Variants in SVEP1 observed in about 807,000 individuals in gnomAD.
SVEP1 encodes sushi, von Willebrand factor type A, EGF and pentraxin domain containing 1, also known as sushi, von Willebrand factor type A, EGF and pentraxin domain-containing protein 1.
A neutral mutation model predicts 367.3 loss-of-function variants in SVEP1; 164 were observed. The observed-to-expected ratio is 0.45, with a 90% CI of 0.39 to 0.51. SVEP1 has a LOEUF of 0.51. Among genes scored for constraint, SVEP1 ranks in the 20% least tolerant of loss-of-function variants. The pLI is 0.00. For missense variants in SVEP1, 4,117 were observed against 4,425.3 expected (o/e 0.93, Z 1.98); for synonymous variants, 1,666 against 1,611.6 (o/e 1.03, Z -0.81).
intron 5 of SVEP1, among the ~76,000 whole-genome samples, chr9:110,508,237 C>G (rs1176193977): frequency 6.6e-6 from 1 of 151,966 alleles, no homozygotes; most frequent in Non-Finnish European, 1.5e-5. Context: ...GAAAAGTCTA[C>G]TTGTAGTAGA....
intron 13 of SVEP1, 78 bp downstream of exon 13, chr9:110,479,557 A>G: frequency 6.9e-7 from 1 of 1,458,586 alleles, no homozygotes; most frequent in Non-Finnish European, 9.1e-7. Context: ...AGGATGAGAA[A>G]TCGCAGTTGT....
intron 44 of SVEP1, among the ~76,000 whole-genome samples, chr9:110,377,943 A>T (rs1334298784): frequency 6.6e-6 from 1 of 152,104 alleles, no homozygotes; most frequent in Non-Finnish European, 1.5e-5. Flanking sequence ...TTTGGATTCC[A>T]CCTATCAGCA....
chr9:110,423,594 T>C (rs982694232), intron 36 of SVEP1, among the ~76,000 whole-genome samples: 2 of 152,020 alleles, frequency 1.3e-5, no homozygotes, highest in Non-Finnish European at 2.9e-5. Flanking sequence ...TCTTAGGATA[T>C]GGAAAAATGT....
intron 41 of SVEP1, 60 bp downstream of exon 41, chr9:110,389,464 A>G (rs1827590772): frequency 6.3e-7 from 1 of 1,583,710 alleles, no homozygotes; most frequent in African/African-American, 1.4e-5. Context: ...AAATGTAGCC[A>G]CACTGTTATT....
chr9:110,460,603 A>C (rs1828843694), intron 18 of SVEP1, among the ~76,000 whole-genome samples: 2 of 152,130 alleles, frequency 1.3e-5, no homozygotes, highest in South Asian at 4.1e-4. Flanking sequence ...AAGTACAAAA[A>C]TTAGCCAGTG....
At chr9:110,507,470 T>C (rs986172183) in intron 5 of SVEP1, among the ~76,000 whole-genome samples, 1 of 152,224 alleles carries the variant, frequency 6.6e-6, no homozygotes, top group East Asian at 1.9e-4. Flanking sequence ...ATAAGTATTG[T>C]GTGCATTAAA....
chr9:110,510,226 C>T (rs1829686601), intron 5 of SVEP1, among the ~76,000 whole-genome samples: 1 of 152,202 alleles, frequency 6.6e-6, no homozygotes, highest in African/African-American at 2.4e-5. Context: ...TTAGACCTTC[C>T]ATGAGTTTCT....
intron 3 of SVEP1, among the ~76,000 whole-genome samples, chr9:110,518,026 A>G (rs1367076046): frequency 6.6e-6 from 1 of 152,188 alleles, no homozygotes; most frequent in East Asian, 1.9e-4. Context: ...CAAGGTATGT[A>G]TTCATGAGAG....
chr9:110,436,449 G>A lies in SVEP1; in HGVS notation c.4695C>T (p.Ser1565=), dbSNP rs1272459596. 1.5e-5 allele frequency: 24 copies of A among 1,613,832 alleles called. No homozygotes were observed. Among genetic ancestry groups the A allele is most frequent in the Non-Finnish European group, 1.9e-5 (22 of 1,179,884 alleles). Residue 1565 remains serine (S), a synonymous_variant, in exon 28 of 48, where the codon AGC becomes AGT. Coordinates refer to ENST00000374469, the MANE Select transcript of SVEP1 (RefSeq NM_153366.4). ...TGGAGCCCACAAAAGACTCAGCTGG[G>A]CTGAATCCCTCTCCTTTTTTGTCTT... ...QEQDKKGEGF[S]PAESFVGSIS...
intron 26 of SVEP1, among the ~76,000 whole-genome samples, chr9:110,445,510 A>T (rs1056006967): frequency 6.6e-6 from 1 of 152,130 alleles, no homozygotes; most frequent in Non-Finnish European, 1.5e-5. Context: ...AAGGTGTGAG[A>T]TCTGGGGCAA....
chr9:110,489,620 A>T, intron 9 of SVEP1, 30 bp downstream of exon 9: 1 of 1,591,556 alleles, frequency 6.3e-7, no homozygotes, highest in Non-Finnish European at 8.6e-7. Context: ...TGACGTTTGG[A>T]TGGGGAAACA....
At chr9:110,375,233 T>C in intron 46 of SVEP1, 135 bp downstream of exon 46, 1 of 748,442 alleles carries the variant, frequency 1.3e-6, no homozygotes, top group South Asian at 2.2e-5. Context: ...CAAGGGATCA[T>C]CTTGAGGAAT....
intron 1 of SVEP1, among the ~76,000 whole-genome samples, chr9:110,565,122 A>C (rs765473142): frequency 6.9e-4 from 105 of 152,270 alleles, no homozygotes; most frequent in Middle Eastern, 6.8e-3. Context: ...GAAAGTACTA[A>C]AATAGTCAAA....
At chr9:110,396,973 A>T (rs1827772784) in intron 40 of SVEP1, among the ~76,000 whole-genome samples, 1 of 151,942 alleles carries the variant, frequency 6.6e-6, no homozygotes, top group South Asian at 2.1e-4. Flanking sequence ...AAAAGAGGGA[A>T]TCCTCCCTAA....
At chr9:110,370,727 A>T (rs543190653) in intron 46 of SVEP1, among the ~76,000 whole-genome samples, 3 of 152,316 alleles carry the variant, frequency 2.0e-5, no homozygotes, top group African/African-American at 7.2e-5. Flanking sequence ...TGTATTTGTT[A>T]AAAAACCTGA....
At chr9:110,557,375 C>G (rs1379510871) in intron 1 of SVEP1, among the ~76,000 whole-genome samples, 1 of 151,872 alleles carries the variant, frequency 6.6e-6, no homozygotes, top group East Asian at 1.9e-4. Flanking sequence ...AGCTTCTCAG[C>G]CAGTTTTGTT....
At chr9:110,457,436 A>G in intron 20 of SVEP1, 84 bp from the exon 21 acceptor site, 3 of 1,060,564 alleles carry the variant, frequency 2.8e-6, no homozygotes, top group South Asian at 1.4e-5. Flanking sequence ...GGTTTGCAAC[A>G]TTAGACAGCT....
chr9:110,451,076 T>C (rs1828685930), intron 23 of SVEP1, among the ~76,000 whole-genome samples: 1 of 152,184 alleles, frequency 6.6e-6, no homozygotes, highest in African/African-American at 2.4e-5. Context: ...TATTTTTTGC[T>C]GAACCATTTG....
chr9:110,375,465 T>G lies in SVEP1; in HGVS notation c.10505-2A>C. The G allele has an allele frequency of 1.8e-6, 1 of 555,402 alleles. No individual in the cohort carries two copies. Among genetic ancestry groups the G allele is most frequent in the Non-Finnish European group, 2.7e-6 (1 of 373,752 alleles). The allele number at this position is 555,402 out of a possible 1,614,324, so 34.4% of individuals were successfully genotyped here. A position where few individuals can be genotyped will look rare whatever the true frequency, so the allele number is the denominator to read the frequency against. ...TCAGACAGGGAAGAATGCAGATTGC[T>G]AAAAAAAAAAAAAAAAAAAAAAAAA... On this transcript the variant is annotated splice_acceptor_variant, in intron 45 of 47. Coordinates refer to ENST00000374469, the MANE Select transcript of SVEP1 (RefSeq NM_153366.4). LOFTEE classifies it high-confidence loss of function.
Sources: allele counts gnomAD v4.1 joint callset (sites outside exome capture counted in the v4.1 genomes callset), GRCh38; gene constraint gnomAD v4.1.1; transcripts MANE v1.5; gene names NCBI Gene and HGNC (gene_info 2026-07-23, HGNC 2026-07-21).